The following GABRB1 variants were observed in gnomAD, a reference collection of about 807,000 sequenced individuals.
GABRB1 encodes the protein gamma-aminobutyric acid receptor subunit beta-1.
In GABRB1, 17 loss-of-function variants were observed where a neutral mutation model predicts 51.6. The ratio of observed to expected loss-of-function variants is 0.33; its 90% confidence interval spans 0.23 to 0.49. GABRB1 has a LOEUF of 0.49. GABRB1 is among the 20% of genes least tolerant of loss of function. The probability of loss-of-function intolerance (pLI) is 0.99; values close to 1 mark genes in which losing one functional copy is unlikely to be tolerated. For missense variants in GABRB1, 410 were observed against 600.6 expected (o/e 0.68, Z 3.32); for synonymous variants, 247 against 218.9 (o/e 1.13, Z -1.14).
chr4:47,406,340 A>T (rs1474026560), intron 7 of GABRB1, among the ~76,000 whole-genome samples: 1 of 152,166 alleles, frequency 6.6e-6, no homozygotes, highest in East Asian at 1.9e-4. Context: ...AGGAAGAAAG[A>T]TGTGGTCATG....
chr4:47,165,673 A>G (rs769026734), intron 4 of GABRB1, among the ~76,000 whole-genome samples: 2 of 152,000 alleles, frequency 1.3e-5, no homozygotes, highest in Non-Finnish European at 2.9e-5. Flanking sequence ...ATTCTTCACG[A>G]TTTGATCAGT....
intron 3 of GABRB1, among the ~76,000 whole-genome samples, chr4:47,106,890 C>T (rs906108318): frequency 6.6e-6 from 1 of 152,072 alleles, no homozygotes; most frequent in African/African-American, 2.4e-5. Context: ...CATGGCCTAG[C>T]CCTGTTCTGA....
chr4:47,064,499 G>A (rs550424657), intron 3 of GABRB1, among the ~76,000 whole-genome samples: 1 of 151,930 alleles, frequency 6.6e-6, no homozygotes, highest in Non-Finnish European at 1.5e-5. Context: ...TTAGCCAGGA[G>A]TGGTGGCACA....
chr4:47,040,726 A>G (rs1725803882), intron 3 of GABRB1, among the ~76,000 whole-genome samples: 1 of 152,198 alleles, frequency 6.6e-6, no homozygotes, highest in African/African-American at 2.4e-5. Context: ...TGAGCTCTAC[A>G]GAGATAGATC....
At chr4:47,119,297 AC>A (rs1715649954) in intron 3 of GABRB1, among the ~76,000 whole-genome samples, 1 of 152,060 alleles carries the variant, frequency 6.6e-6, no homozygotes, top group Non-Finnish European at 1.5e-5. Context: ...TATACATAAA[AC>A]CCAAAGTAAA....
intron 3 of GABRB1, among the ~76,000 whole-genome samples, chr4:47,102,591 G>A (rs1714770171): frequency 6.6e-6 from 1 of 151,928 alleles, no homozygotes; most frequent in South Asian, 2.1e-4. Flanking sequence ...GCACAGGTGG[G>A]AGTTACTCAG....
At chr4:47,077,832 ATTATATATTTTATATATATTT>A (rs1727622926) in intron 3 of GABRB1, among the ~76,000 whole-genome samples, 2 of 141,452 alleles carry the variant, frequency 1.4e-5, no homozygotes, top group Non-Finnish European at 3.0e-5. Flanking sequence ...TATAATATAT[ATTATATATTTTATATATATTT>A]TTATATATTT....
chr4:47,053,203 A>G (rs1180721769), intron 3 of GABRB1, among the ~76,000 whole-genome samples: 1 of 152,234 alleles, frequency 6.6e-6, no homozygotes, highest in African/African-American at 2.4e-5. Context: ...TCTGAAATTC[A>G]AACATATGTC....
chr4:47,248,589 C>T (rs191775610), intron 4 of GABRB1, among the ~76,000 whole-genome samples: 171 of 152,132 alleles, frequency 1.1e-3, no homozygotes, highest in African/African-American at 3.9e-3. Flanking sequence ...GGTACCAATT[C>T]TTCTTTGAAT....
chr4:47,357,224 C>T (rs1298518283), intron 5 of GABRB1, among the ~76,000 whole-genome samples: 1 of 152,110 alleles, frequency 6.6e-6, no homozygotes, highest in African/African-American at 2.4e-5. Flanking sequence ...TCAACACATA[C>T]AAAAAAGTTA....
At chr4:47,217,481 A>G (rs1397699023) in intron 4 of GABRB1, among the ~76,000 whole-genome samples, 1 of 151,790 alleles carries the variant, frequency 6.6e-6, no homozygotes, top group Non-Finnish European at 1.5e-5. Context: ...AGATTCACCC[A>G]TGAACGTATC....
intron 7 of GABRB1, 78 bp from the exon 8 acceptor site, chr4:47,406,604 T>C: frequency 1.3e-6 from 2 of 1,568,136 alleles, no homozygotes; most frequent in Non-Finnish European, 1.7e-6. Context: ...AAGTGGCAAA[T>C]GGCATCTGTC....
At chr4:47,291,182 C>A (rs1472163390) in intron 4 of GABRB1, among the ~76,000 whole-genome samples, 2 of 152,178 alleles carry the variant, frequency 1.3e-5, no homozygotes, top group African/African-American at 2.4e-5. Context: ...CCAGCCATGA[C>A]TAAAATGGGG....
At chr4:47,376,017 T>C (rs754259110) in intron 5 of GABRB1, among the ~76,000 whole-genome samples, 1 of 152,176 alleles carries the variant, frequency 6.6e-6, no homozygotes, top group Non-Finnish European at 1.5e-5. Flanking sequence ...AACAGGTAGA[T>C]TGTTGAACAT....
At chr4:47,021,447 A>G (rs1724925213) in intron 1 of GABRB1, among the ~76,000 whole-genome samples, 1 of 152,296 alleles carries the variant, frequency 6.6e-6, no homozygotes, top group East Asian at 1.9e-4. Context: ...ATGCTAAACT[A>G]CTAGGAATAG....
chr4:47,222,951 A>G (rs1046315663), intron 4 of GABRB1, among the ~76,000 whole-genome samples: 3 of 152,120 alleles, frequency 2.0e-5, no homozygotes, highest in African/African-American at 7.2e-5. Context: ...CTAGATTTTT[A>G]GTAGCATGAG....
At chr4:47,337,832 A>T (rs1017175614) in intron 5 of GABRB1, among the ~76,000 whole-genome samples, 7 of 141,770 alleles carry the variant, frequency 4.9e-5, no homozygotes, top group Admixed American at 1.4e-4. Flanking sequence ...AAAAAAAAAA[A>T]AGATAGATCC....
At chr4:47,358,176 T>C (rs905828460) in intron 5 of GABRB1, among the ~76,000 whole-genome samples, 5 of 152,120 alleles carry the variant, frequency 3.3e-5, no homozygotes, top group Admixed American at 2.0e-4. Flanking sequence ...GCCAGTAAAC[T>C]AGAATATATA....
intron 4 of GABRB1, among the ~76,000 whole-genome samples, chr4:47,283,666 G>T (rs539685260): frequency 5.3e-5 from 8 of 151,960 alleles, no homozygotes; most frequent in African/African-American, 1.9e-4. Context: ...GGGATTACAG[G>T]CTTGAGCCAC....
Sources: allele counts gnomAD v4.1 joint callset (sites outside exome capture counted in the v4.1 genomes callset), GRCh38; gene constraint gnomAD v4.1.1; transcripts MANE v1.5; gene names NCBI Gene and HGNC (gene_info 2026-07-23, HGNC 2026-07-21).